Variants in WRN observed in about 807,000 individuals in gnomAD.
WRN encodes WRN RecQ like helicase.
A neutral mutation model predicts 180.7 loss-of-function variants in WRN; 149 were observed. That is an observed-to-expected ratio of 0.82 (90% CI 0.72 to 0.94). WRN has a LOEUF of 0.94. Among genes scored for constraint, WRN ranks in the 40% least tolerant of loss-of-function variants. The pLI is 0.00. For synonymous variants in WRN, 548 were observed against 568.9 expected (o/e 0.96, Z 0.52); for missense variants, 1,661 against 1,700.1 (o/e 0.98, Z 0.40).
intron 24 of WRN, among the ~76,000 whole-genome samples, chr8:31,135,472 G>A (rs768180007): frequency 5.3e-5 from 8 of 152,138 alleles, no homozygotes; most frequent in South Asian, 2.1e-4. Context: ...TAGATGAGAC[G>A]CATCATCTAT....
intron 17 of WRN, among the ~76,000 whole-genome samples, chr8:31,099,419 A>AGGAAAT (rs1814124309): frequency 6.8e-6 from 1 of 147,268 alleles, no homozygotes; most frequent in Non-Finnish European, 1.5e-5. Flanking sequence ...AGGAAGGAAA[A>AGGAAAT]ATCAGTCACT....
intron 31 of WRN, 112 bp from the exon 32 acceptor site, chr8:31,154,512 T>C: frequency 7.9e-7 from 1 of 1,261,308 alleles, no homozygotes; most frequent in Admixed American, 2.9e-5. Flanking sequence ...AATTATTTGT[T>C]GCTTATGGGT....
chr8:31,081,357 C>T (rs1484277329), intron 9 of WRN, 61 bp downstream of exon 9: 30 of 1,540,192 alleles, frequency 1.9e-5, no homozygotes, highest in Middle Eastern at 1.7e-4. Context: ...ACTTTATTCC[C>T]GTAAAGAGAC....
chr8:31,117,001 G>A (rs1414277158), intron 20 of WRN, among the ~76,000 whole-genome samples: 2 of 152,180 alleles, frequency 1.3e-5, no homozygotes, highest in Non-Finnish European at 2.9e-5. Flanking sequence ...TATGGACAAA[G>A]AGGCAGGGTG....
chr8:31,125,636 C>T (rs1459322668), intron 23 of WRN, among the ~76,000 whole-genome samples: 2 of 142,558 alleles, frequency 1.4e-5, no homozygotes, highest in Non-Finnish European at 3.0e-5. Context: ...AGAATTAGCT[C>T]ACGAAATTGT....
chr8:31,103,421 G>A (rs1205812088), intron 18 of WRN, among the ~76,000 whole-genome samples: 1 of 152,228 alleles, frequency 6.6e-6, no homozygotes, highest in Non-Finnish European at 1.5e-5. Context: ...ACAAACGTGA[G>A]CAGTGCCTTG....
chr8:31,085,174 T>C lies in WRN; in HGVS notation c.1359T>C (p.Ser453=). The change falls in exon 11 of 35, where the codon TCT becomes TCC. Residue 453 remains serine, a synonymous_variant. Transcript: ENST00000298139. ...AATACTTTTTTTTAAAGCATTTATC[T>C]CCCAATGATAATGAAAACGATACGT... is the stretch of plus-strand genomic sequence containing the variant. ...DLEMEMLKHL[S]PNDNENDTSY... is the part of the protein sequence containing the mutation. 6.2e-7 allele frequency: 1 copy of C among 1,613,060 alleles called. No homozygotes were observed. Among genetic ancestry groups the C allele is most frequent in the South Asian group, 1.1e-5 (1 of 91,046 alleles).
At chr8:31,070,631 G>A (rs941577904) in intron 7 of WRN, among the ~76,000 whole-genome samples, 16 of 151,860 alleles carry the variant, frequency 1.1e-4, no homozygotes, top group African/African-American at 3.4e-4. Context: ...TGAGTCTTAT[G>A]TCATGGGAAA....
intron 1 of WRN, among the ~76,000 whole-genome samples, chr8:31,042,674 T>G (rs770345855): frequency 6.6e-6 from 1 of 152,222 alleles, no homozygotes; most frequent in African/African-American, 2.4e-5. Flanking sequence ...TGTCTAGTTT[T>G]ACCTTTTGGG....
chr8:31,079,848 A>G (rs778224952), intron 8 of WRN, among the ~76,000 whole-genome samples: 3 of 152,166 alleles, frequency 2.0e-5, no homozygotes, highest in Non-Finnish European at 4.4e-5. Flanking sequence ...AGGTGAAAAA[A>G]TTAGGCAAAA....
At chr8:31,088,637 T>C (rs1011531523) in intron 12 of WRN, among the ~76,000 whole-genome samples, 8 of 152,106 alleles carry the variant, frequency 5.3e-5, no homozygotes, top group Admixed American at 3.9e-4. Context: ...TATTCCTGAT[T>C]CTAAAACATC....
chr8:31,110,875 C>T (rs1160474497), intron 18 of WRN, among the ~76,000 whole-genome samples: 1 of 152,022 alleles, frequency 6.6e-6, no homozygotes, highest in Non-Finnish European at 1.5e-5. Context: ...AATAAAAACA[C>T]GAGTTCTAGT....
chr8:31,053,944 A>C (rs1211727330), intron 1 of WRN, among the ~76,000 whole-genome samples: 1 of 152,244 alleles, frequency 6.6e-6, no homozygotes, highest in African/African-American at 2.4e-5. Context: ...TTCTTAATTA[A>C]AGAAAAGGAG....
At chr8:31,103,488 A>G (rs1023512512) in intron 18 of WRN, among the ~76,000 whole-genome samples, 3 of 152,182 alleles carry the variant, frequency 2.0e-5, no homozygotes, top group Non-Finnish European at 4.4e-5. Flanking sequence ...TTTCAGCTCC[A>G]TTATAATCTT....
chr8:31,060,611 TA>T (rs1812453101), intron 3 of WRN, among the ~76,000 whole-genome samples: 1 of 152,192 alleles, frequency 6.6e-6, no homozygotes, highest in African/African-American at 2.4e-5. Flanking sequence ...CTGGTATAGA[TA>T]TAAGCTAGAA....
intron 3 of WRN, among the ~76,000 whole-genome samples, chr8:31,064,076 T>C (rs1812598031): frequency 6.6e-6 from 1 of 152,200 alleles, no homozygotes; most frequent in African/African-American, 2.4e-5. Flanking sequence ...TACCTGTTCA[T>C]ATTTTTCTCC....
At chr8:31,069,836 G>C (rs533534517) in intron 7 of WRN, among the ~76,000 whole-genome samples, 3 of 152,120 alleles carry the variant, frequency 2.0e-5, no homozygotes, top group African/African-American at 7.2e-5. Flanking sequence ...ATTCAACAGG[G>C]GAGAGTTATG....
chr8:31,123,429 A>G (rs1801802748), intron 21 of WRN, among the ~76,000 whole-genome samples: 1 of 152,074 alleles, frequency 6.6e-6, no homozygotes, highest in Non-Finnish European at 1.5e-5. Flanking sequence ...ATAAGGAGGA[A>G]CTGTATATGG....
intron 34 of WRN, among the ~76,000 whole-genome samples, chr8:31,167,969 A>C (rs1302275939): frequency 2.0e-5 from 3 of 152,102 alleles, no homozygotes; most frequent in Non-Finnish European, 2.9e-5. Flanking sequence ...TTAGTTGGTA[A>C]ATTCAATGTG....
Sources: gnomAD v4.1 joint callset for allele counts (sites outside exome capture counted in the v4.1 genomes callset) on GRCh38, gnomAD v4.1.1 for gene constraint, MANE v1.5 for transcripts, NCBI Gene and HGNC (gene_info 2026-07-23, HGNC 2026-07-21) for gene names.